Variants in FAM167A observed in about 807,000 individuals in gnomAD.
FAM167A encodes the protein protein FAM167A.
Under a neutral mutation model 14.9 loss-of-function variants are expected in FAM167A, and 23 were observed. The observed-to-expected ratio is 1.55, with a 90% CI of 1.11 to 2.19. FAM167A has a LOEUF of 2.19. Among genes scored for constraint, FAM167A ranks in the 30% most tolerant of loss-of-function variants. FAM167A has a pLI of 0.00. For synonymous variants in FAM167A, 174 were observed against 117.7 expected (o/e 1.48, Z -3.10); for missense variants, 401 against 281.5 (o/e 1.42, Z -3.04).
chr8:11,447,817 T>C (rs1455248508), intron 1 of FAM167A, among the ~76,000 whole-genome samples: 1 of 152,244 alleles, frequency 6.6e-6, no homozygotes, highest in Non-Finnish European at 1.5e-5. Flanking sequence ...CTGTGTCCTC[T>C]TCTGAGAAAT....
At chr8:11,431,372 G>T (rs1033761338) in intron 2 of FAM167A, among the ~76,000 whole-genome samples, 2 of 152,244 alleles carry the variant, frequency 1.3e-5, no homozygotes, top group Non-Finnish European at 2.9e-5. Flanking sequence ...CAGGACAGTG[G>T]TGCCAAGGGC....
chr8:11,435,424 A>T (rs533185223), intron 2 of FAM167A, among the ~76,000 whole-genome samples: 1 of 152,388 alleles, frequency 6.6e-6, no homozygotes, highest in East Asian at 1.9e-4. Flanking sequence ...CACAGTGCCT[A>T]GGGCATGCTC....
chr8:11,429,940 A>C (rs1805459602), intron 2 of FAM167A, among the ~76,000 whole-genome samples: 1 of 152,230 alleles, frequency 6.6e-6, no homozygotes, highest in Non-Finnish European at 1.5e-5. Context: ...CGCTGGCCAA[A>C]TCAAAGTAAG....
chr8:11,435,627 C>A (rs1018616065), intron 2 of FAM167A, among the ~76,000 whole-genome samples: 1 of 152,182 alleles, frequency 6.6e-6, no homozygotes, highest in Admixed American at 6.5e-5. Flanking sequence ...CTCCCACTGC[C>A]CCCAGGCCTG....
intron 2 of FAM167A, among the ~76,000 whole-genome samples, chr8:11,427,894 A>G (rs1805293994): frequency 6.6e-6 from 1 of 152,222 alleles, no homozygotes; most frequent in African/African-American, 2.4e-5. Flanking sequence ...GCACCAAATT[A>G]ATGATGATAG....
chr8:11,456,481 G>A (rs998287099), intron 1 of FAM167A, among the ~76,000 whole-genome samples: 3 of 131,180 alleles, frequency 2.3e-5, no homozygotes, highest in Admixed American at 8.0e-5. Context: ...TGCTTGGGGG[G>A]TGGTTGCCCT....
chr8:11,446,573 T>A (rs796394172), intron 1 of FAM167A: 1 of 152,246 alleles, frequency 6.6e-6, no homozygotes, highest in Non-Finnish European at 1.5e-5. Context: ...TGGGATCAGA[T>A]GGCCTAGCTC....
upstream of FAM167A, among the ~76,000 whole-genome samples, chr8:11,470,400 T>C (rs563887968): frequency 2.5e-4 from 38 of 152,212 alleles, no homozygotes; most frequent in Non-Finnish European, 4.1e-4. Context: ...CATGGATGCC[T>C]CGAGGCCAGA....
At chr8:11,455,961 C>CTGTG (rs1280585394) in intron 1 of FAM167A, among the ~76,000 whole-genome samples, 1 of 95,474 alleles carries the variant, frequency 1.0e-5, no homozygotes, top group Admixed American at 1.2e-4. Flanking sequence ...GGTTGCCTTG[C>CTGTG]TGTGAGTGAG....
intron 1 of FAM167A, among the ~76,000 whole-genome samples, chr8:11,464,273 T>A (rs1305992219): frequency 2.0e-5 from 3 of 152,086 alleles, no homozygotes; most frequent in Non-Finnish European, 4.4e-5. Flanking sequence ...TGGCCTTTAA[T>A]GGACAGGGCA....
At chr8:11,464,982 G>C (rs931353066) in intron 1 of FAM167A, among the ~76,000 whole-genome samples, 23 of 152,302 alleles carry the variant, frequency 1.5e-4, no homozygotes, top group Admixed American at 1.0e-3. Flanking sequence ...GCATGTAATT[G>C]CGAGGACCAG....
At chr8:11,438,306 C>A (rs1010492961) in intron 2 of FAM167A, 7 of 404,060 alleles carry the variant, frequency 1.7e-5, no homozygotes, top group African/African-American at 1.0e-4. Flanking sequence ...CGGTTGGGGT[C>A]AGCTGCAGCT....
chr8:11,423,842 G>T lies in FAM167A; in HGVS notation c.*531C>A, dbSNP rs1181550746. 1 of 157,868 alleles carries T rather than the reference G, an allele frequency of 6.3e-6. No individual in the cohort carries two copies. The highest frequency in any genetic ancestry group is 2.4e-5 in the African/African-American group (1 of 41,498). 9.8% of individuals were successfully genotyped at this position (157,868 alleles called of 1,614,324 possible). ...CAAGTGCCCATTTGTCATGCCTTTCGATTTTCCCTTCCTAGTAGCTCCCTG... is the reference window on the plus strand; with the variant it reads ...CAAGTGCCCATTTGTCATGCCTTTCTATTTTCCCTTCCTAGTAGCTCCCTG... On this transcript the variant is annotated 3_prime_UTR_variant, in exon 3 of 3. Transcript: ENST00000284486.
chr8:11,471,865 T>C (rs139112093), upstream of FAM167A, among the ~76,000 whole-genome samples: 166 of 152,160 alleles, frequency 1.1e-3, no homozygotes, highest in Middle Eastern at 6.8e-3. Context: ...AAGGCTGCGC[T>C]CTCAGGCTGA....
At chr8:11,431,569 T>C (rs1805593257) in intron 2 of FAM167A, among the ~76,000 whole-genome samples, 1 of 152,004 alleles carries the variant, frequency 6.6e-6, no homozygotes, top group African/African-American at 2.4e-5. Context: ...AACAGCAGAG[T>C]CTGCAAATTT....
chr8:11,444,566 A>T lies in FAM167A; in HGVS notation c.-155T>A, dbSNP rs1241234725. 9 of 1,453,564 alleles carry T rather than the reference A, an allele frequency of 6.2e-6. No homozygotes were observed. The highest frequency in any genetic ancestry group is 8.1e-6 in the Non-Finnish European group (9 of 1,110,890). 90.0% of individuals were successfully genotyped at this position (1,453,564 alleles called of 1,614,324 possible). On this transcript the variant is annotated 5_prime_UTR_variant, in exon 2 of 3. Coordinates refer to ENST00000284486, the MANE Select transcript of FAM167A (RefSeq NM_053279.3). ...GAGCCGGCCTCAGAGGCTGGGTGGC[A>T]GGGGAGCTGAGAGGGACCGCGCAGT...
upstream of FAM167A, among the ~76,000 whole-genome samples, chr8:11,467,850 C>T (rs971642785): frequency 6.6e-6 from 1 of 152,258 alleles, no homozygotes; most frequent in Admixed American, 6.5e-5. Context: ...TGAGGGACGT[C>T]GTCTAAGGAG....
At chr8:11,438,818 A>G (rs1806234935) in intron 2 of FAM167A, among the ~76,000 whole-genome samples, 1 of 152,240 alleles carries the variant, frequency 6.6e-6, no homozygotes, top group South Asian at 2.1e-4. Context: ...GGGAGAACAG[A>G]GGCTGGGACG....
chr8:11,446,655 A>G (rs555029855), intron 1 of FAM167A: 9 of 152,304 alleles, frequency 5.9e-5, no homozygotes, highest in African/African-American at 2.2e-4. Flanking sequence ...CCAACCTCCT[A>G]TGTTCTAGCA....
Sources: allele counts gnomAD v4.1 joint callset (sites outside exome capture counted in the v4.1 genomes callset), GRCh38; gene constraint gnomAD v4.1.1; transcripts MANE v1.5; gene names NCBI Gene and HGNC (gene_info 2026-07-23, HGNC 2026-07-21).